The following PLCE1 variants were observed in gnomAD, a reference collection of about 807,000 sequenced individuals.
The protein encoded by PLCE1 is phospholipase C epsilon 1.
Under a neutral mutation model 242.8 loss-of-function variants are expected in PLCE1, and 119 were observed. That is an observed-to-expected ratio of 0.49 (90% confidence interval 0.42 to 0.57). The LOEUF is 0.57. Among genes scored for constraint, PLCE1 ranks in the 20% least tolerant of loss-of-function variants. PLCE1 has a pLI of 0.00. For missense variants in PLCE1, 2,441 were observed against 2,788.8 expected (o/e 0.88, Z 2.81); for synonymous variants, 945 against 1,017.4 (o/e 0.93, Z 1.35).
At chr10:94,274,615 T>C (rs1376159077) in intron 19 of PLCE1, among the ~76,000 whole-genome samples, 1 of 152,104 alleles carries the variant, frequency 6.6e-6, no homozygotes, top group African/African-American at 2.4e-5. Context: ...ACAGGACAGC[T>C]GGAAGTGGTG....
intron 4 of PLCE1, among the ~76,000 whole-genome samples, chr10:94,196,820 A>T (rs1456950249): frequency 1.3e-5 from 2 of 152,096 alleles, no homozygotes; most frequent in African/African-American, 2.4e-5. Flanking sequence ...TGATATTTGT[A>T]ACAGCTTTAT....
intron 2 of PLCE1, among the ~76,000 whole-genome samples, chr10:94,053,870 A>G (rs2043831734): frequency 6.6e-6 from 1 of 152,210 alleles, no homozygotes; most frequent in Admixed American, 6.5e-5. Context: ...TTTCAGGGTG[A>G]CCAGATTAGT....
chr10:94,278,728 C>T (rs1014365594), intron 19 of PLCE1, among the ~76,000 whole-genome samples: 6 of 151,908 alleles, frequency 3.9e-5, no homozygotes, highest in South Asian at 2.1e-4. Flanking sequence ...TCTAGGACTT[C>T]GTGACTGTCA....
chr10:94,264,138 C>G lies in PLCE1; in HGVS notation c.4053+1406C>G, dbSNP rs78894652. Among the ~76,000 whole-genome samples, 53 of 152,164 alleles carry G rather than the reference C, an allele frequency of 3.5e-4. 1 individual carries two copies. The East Asian group carries it at 9.8e-3, about 28-fold the overall frequency. On this transcript the variant is annotated intron_variant, in intron 14 of 32. Coordinates refer to ENST00000371380, the MANE Select transcript of PLCE1 (RefSeq NM_016341.4). ...AGGTAATAATGGGGTAGGGGAAAAA[C>G]TGAGTCAAGTAAAGGAATGGAATGA...
chr10:94,181,218 C>T (rs1440333708), intron 4 of PLCE1, among the ~76,000 whole-genome samples: 1 of 152,126 alleles, frequency 6.6e-6, no homozygotes, highest in Non-Finnish European at 1.5e-5. Context: ...TATCCGTAGC[C>T]CACCCCCAAG....
At chr10:94,208,181 A>G (rs577495040) in intron 4 of PLCE1, among the ~76,000 whole-genome samples, 67 of 152,192 alleles carry the variant, frequency 4.4e-4, no homozygotes, top group Non-Finnish European at 9.0e-4. Context: ...GACACCTGGC[A>G]GACACCAACC....
chr10:94,227,083 G>A, intron 4 of PLCE1: 1 of 483,846 alleles, frequency 2.1e-6, no homozygotes. Context: ...CACCACGCTG[G>A]CCAGGCTGGT....
At chr10:94,303,804 T>A (rs988427118) in intron 24 of PLCE1, among the ~76,000 whole-genome samples, 8 of 152,146 alleles carry the variant, frequency 5.3e-5, no homozygotes, top group Non-Finnish European at 1.2e-4. Context: ...ATTGAAAATA[T>A]TCATTAAAAA....
At chr10:94,050,015 A>G (rs1412936996) in intron 2 of PLCE1, among the ~76,000 whole-genome samples, 1 of 152,058 alleles carries the variant, frequency 6.6e-6, no homozygotes, top group Non-Finnish European at 1.5e-5. Flanking sequence ...TCCCCTGTTA[A>G]CAGTCATTTG....
chr10:94,297,105 T>C (rs2052852366), intron 23 of PLCE1, among the ~76,000 whole-genome samples: 1 of 152,156 alleles, frequency 6.6e-6, no homozygotes, highest in Non-Finnish European at 1.5e-5. Flanking sequence ...TGACCTCTGG[T>C]GATCCACCCG....
At chr10:94,303,793 G>T (rs1419221928) in intron 24 of PLCE1, among the ~76,000 whole-genome samples, 2 of 152,042 alleles carry the variant, frequency 1.3e-5, no homozygotes, top group Non-Finnish European at 2.9e-5. Flanking sequence ...ACCAGCTATG[G>T]ATTGAAAATA....
intron 2 of PLCE1, among the ~76,000 whole-genome samples, chr10:94,087,476 T>C (rs951504213): frequency 3.3e-5 from 5 of 151,912 alleles, no homozygotes; most frequent in African/African-American, 1.2e-4. Context: ...GGTCTTGCTC[T>C]GACATCCAGG....
intron 4 of PLCE1, among the ~76,000 whole-genome samples, chr10:94,206,853 C>T (rs2049172169): frequency 6.6e-6 from 1 of 152,102 alleles, no homozygotes; most frequent in African/African-American, 2.4e-5. Context: ...CTCCAGGCCC[C>T]CAGATTTGAA....
intron 7 of PLCE1, among the ~76,000 whole-genome samples, chr10:94,237,465 C>T (rs1016375106): frequency 6.6e-6 from 1 of 152,220 alleles, no homozygotes; most frequent in Non-Finnish European, 1.5e-5. Context: ...ATTTTCTCCA[C>T]AGTCTCTTGT....
In PLCE1 at chr10:94,038,414, C is replaced by T. The variant is rs1422140214; in HGVS notation, c.1206+6162C>T. 3.3e-5 allele frequency among the ~76,000 whole-genome samples: 5 copies of T among 152,154 alleles called. No homozygotes were observed. In the East Asian group the frequency reaches 7.7e-4, roughly 23 times the overall value. On this transcript the variant is annotated intron_variant, in intron 2 of 32. Coordinates refer to ENST00000371380, the MANE Select transcript of PLCE1 (RefSeq NM_016341.4). ...AGTGGTTCTTTATTCTAGTGGCTTG[C>T]TTAAACACATTCAGAGCTTCACATT...
At chr10:94,218,826 GGTAAA>G (rs1254380111) in intron 4 of PLCE1, among the ~76,000 whole-genome samples, 2 of 147,660 alleles carry the variant, frequency 1.4e-5, no homozygotes, top group Admixed American at 6.8e-5. Context: ...GCATATAAAT[GGTAAA>G]GTAATTATCC....
intron 4 of PLCE1, among the ~76,000 whole-genome samples, chr10:94,177,533 T>C (rs1178028212): frequency 6.6e-6 from 1 of 152,200 alleles, no homozygotes; most frequent in Non-Finnish European, 1.5e-5. Context: ...CACCTCTCTG[T>C]AGTCATATTC....
At chr10:94,076,690 A>ACTTC (rs930804390) in intron 2 of PLCE1, among the ~76,000 whole-genome samples, 8 of 151,690 alleles carry the variant, frequency 5.3e-5, no homozygotes, top group African/African-American at 2.0e-4. Context: ...AGACTGGAAT[A>ACTTC]CTTCCAGTCT....
At chr10:94,068,427 G>A (rs1057179128) in intron 2 of PLCE1, among the ~76,000 whole-genome samples, 3 of 152,012 alleles carry the variant, frequency 2.0e-5, no homozygotes, top group African/African-American at 4.8e-5. Flanking sequence ...ATAAAACAAT[G>A]CAACATAACT....
Sources: allele counts gnomAD v4.1 joint callset (sites outside exome capture counted in the v4.1 genomes callset), GRCh38; gene constraint gnomAD v4.1.1; transcripts MANE v1.5; gene names NCBI Gene and HGNC (gene_info 2026-07-23, HGNC 2026-07-21).